TPRA1: variants seen among roughly 807,000 people sequenced by gnomAD.
The protein encoded by TPRA1 is transmembrane protein adipocyte-associated 1.
Under a neutral mutation model 40.1 loss-of-function variants are expected in TPRA1, and 28 were observed. The ratio of observed to expected loss-of-function variants is 0.70; its 90% confidence interval spans 0.52 to 0.96. The LOEUF (loss-of-function observed/expected upper bound fraction) is 0.96, where lower values mean the gene tolerates loss of function less well. Among genes scored for constraint, TPRA1 ranks in the 40% least tolerant of loss-of-function variants. The probability of loss-of-function intolerance (pLI) is 0.00; values close to 1 mark genes in which losing one functional copy is unlikely to be tolerated. For missense variants in TPRA1, 441 were observed against 482.6 expected (o/e 0.91, Z 0.81); for synonymous variants, 219 against 209.7 (o/e 1.04, Z -0.38).
At position 127,573,828 on chromosome 3, in the gene TPRA1, T is replaced by C. The variant is rs752905125; in HGVS notation, c.855-40A>G. The C allele has an allele frequency of 5.3e-6, 8 of 1,522,728 alleles. No homozygotes were observed. In the African/African-American group the frequency reaches 6.9e-5, roughly 13 times the overall value. 94.3% of individuals were successfully genotyped at this position (1,522,728 alleles called of 1,614,324 possible). On this transcript the variant is annotated intron_variant, in intron 10 of 10. Coordinates refer to ENST00000355552, the MANE Select transcript of TPRA1 (RefSeq NM_001136053.4). Reference sequence around the variant, plus strand: ...AGAGGGGCATGGAAGCCTCACTGAGTGATTCAGGAAGAGCCTTCCTCTCCA... The same window carrying C: ...AGAGGGGCATGGAAGCCTCACTGAGCGATTCAGGAAGAGCCTTCCTCTCCA...
At chr3:127,590,007 G>A (rs939529891) in intron 1 of TPRA1, among the ~76,000 whole-genome samples, 1 of 152,242 alleles carries the variant, frequency 6.6e-6, no homozygotes, top group African/African-American at 2.4e-5. Context: ...GCCCCGAACC[G>A]GCGGCAGGCT....
intron 10 of TPRA1, 65 bp from the exon 11 acceptor site, chr3:127,573,853 A>G: frequency 6.7e-7 from 1 of 1,503,482 alleles, no homozygotes; most frequent in Non-Finnish European, 8.9e-7. Context: ...CTTCCTCTCC[A>G]GGCTGATGGG....
chr3:127,596,146 T>A (rs2074238181), intron 1 of TPRA1, among the ~76,000 whole-genome samples: 1 of 152,120 alleles, frequency 6.6e-6, no homozygotes, highest in Non-Finnish European at 1.5e-5. Flanking sequence ...ATGGCACAAT[T>A]TCGGCTCACC....
At chr3:127,579,059 G>A (rs1013263466) in intron 3 of TPRA1, among the ~76,000 whole-genome samples, 1 of 152,170 alleles carries the variant, frequency 6.6e-6, no homozygotes, top group Admixed American at 6.5e-5. Flanking sequence ...TACTGGGACA[G>A]CCCACACCTG....
chr3:127,588,603 T>C (rs1559851316), intron 1 of TPRA1, among the ~76,000 whole-genome samples: 1 of 152,050 alleles, frequency 6.6e-6, no homozygotes, highest in Admixed American at 6.5e-5. Context: ...GTATTTTTAG[T>C]AGAAATGGGG....
At chr3:127,591,668 G>T (rs1179791805), upstream of TPRA1, among the ~76,000 whole-genome samples, 1 of 152,154 alleles carries the variant, frequency 6.6e-6, no homozygotes, top group East Asian at 1.9e-4. Context: ...TGGAGCGGCT[G>T]TCCAGTCTCA....
intron 1 of TPRA1, among the ~76,000 whole-genome samples, chr3:127,587,338 G>A (rs2074031888): frequency 6.6e-6 from 1 of 152,052 alleles, no homozygotes. Flanking sequence ...GCTCACTGGA[G>A]CCCCTGGATT....
chr3:127,573,764 G>C lies in TPRA1; in HGVS notation c.879C>G (p.Ser293=). 6.3e-7 allele frequency: 1 copy of C among 1,583,292 alleles called. No individual in the cohort carries two copies. The highest frequency in any genetic ancestry group is 8.6e-7 in the Non-Finnish European group (1 of 1,158,894). The change falls in exon 11 of 11, where the codon TCC becomes TCG. Residue 293 remains serine (S), a synonymous_variant. Transcript: ENST00000355552. The part of the protein sequence containing the change: ...FFGSEPKILF[S]YKCQVDETEE... ...CTGTCTCGTCCACTTGGCATTTGTA[G>C]GAGAAGAGGATCTTGGGCTCCGAGC...
upstream of TPRA1, among the ~76,000 whole-genome samples, chr3:127,592,416 T>C (rs1389326604): frequency 2.1e-5 from 3 of 140,382 alleles, no homozygotes; most frequent in Admixed American, 2.2e-4. Flanking sequence ...TCTCGCTCTG[T>C]CGCCCAGGTC....
chr3:127,578,400 G>A (rs1182702089), intron 3 of TPRA1, among the ~76,000 whole-genome samples: 2 of 152,148 alleles, frequency 1.3e-5, no homozygotes, highest in East Asian at 1.9e-4. Flanking sequence ...AGCATGGCTG[G>A]GGTTCAGAGC....
chr3:127,575,146 C>T, intron 10 of TPRA1, 39 bp downstream of exon 10: 1 of 1,604,392 alleles, frequency 6.2e-7, no homozygotes, highest in African/African-American at 1.3e-5. Context: ...CGCAGTTCCG[C>T]CGGCAGCCAC....
chr3:127,593,214 T>A (rs1228577809), upstream of TPRA1, among the ~76,000 whole-genome samples: 3 of 152,198 alleles, frequency 2.0e-5, no homozygotes, highest in Admixed American at 2.0e-4. Flanking sequence ...ATCTGCAACA[T>A]TAAATGAATA....
In TPRA1 at chr3:127,580,042, G is replaced by A. The variant is rs774076331; in HGVS notation, c.105C>T (p.Tyr35=). ...SVPHRCLLLL[Y]EDIGTSRVRY... ...CTCACCTGGAGGTGCCAATGTCTTC[G>A]TAGAGCAGCAGCAGGCAGCGATGAG... is the stretch of plus-strand genomic sequence containing the variant. The change falls in exon 2 of 11, where the codon TAC becomes TAT. Residue 35 remains tyrosine (Y), a synonymous_variant. Transcript: ENST00000355552. The A allele has an allele frequency of 1.3e-5, 21 of 1,613,670 alleles. No individual in the cohort carries two copies. The highest frequency in any genetic ancestry group is 7.7e-5 in the South Asian group (7 of 91,088).
upstream of TPRA1, chr3:127,590,933 G>T (rs991682504): frequency 6.6e-6 from 1 of 152,288 alleles, no homozygotes; most frequent in Non-Finnish European, 1.5e-5. Flanking sequence ...GCTGCTTCAC[G>T]GAAGAGAGAG....
At position 127,575,278 on chromosome 3, in the gene TPRA1, C is replaced by A; in HGVS notation, c.774-13G>T. 1 of 1,611,780 alleles carries A rather than the reference C, an allele frequency of 6.2e-7. No homozygotes were observed. Among genetic ancestry groups the A allele is most frequent in the Non-Finnish European group, 8.5e-7 (1 of 1,178,868 alleles). On this transcript the variant is annotated splice_polypyrimidine_tract_variant and intron_variant, in intron 9 of 10. Transcript: ENST00000355552. ...GGCATCTACACAGCTGCGGAGAAGG[C>A]GGGTCAGCGCGGGGCCTCCTAGCCC...
Position 127,572,517 on chromosome 3 carries a change from T to C in TPRA1, c.*1004A>G, listed in dbSNP as rs930078165. 6.6e-6 allele frequency among the ~76,000 whole-genome samples: 1 copy of C among 152,178 alleles called. No homozygotes were observed. The highest frequency in any genetic ancestry group is 1.5e-5 in the Non-Finnish European group (1 of 68,034). On this transcript the variant is annotated 3_prime_UTR_variant, in exon 11 of 11. Transcript: ENST00000355552. ...GTGCTTTGCTCTGATTTACTCCCAT[T>C]TTCAGCCAACCACACCCATCCTTAT...
chr3:127,575,196 C>A lies in TPRA1; in HGVS notation c.843G>T (p.Arg281=), dbSNP rs747567295. 1 of 1,613,906 alleles carries A rather than the reference C, an allele frequency of 6.2e-7. No individual in the cohort carries two copies. Among genetic ancestry groups the A allele is most frequent in the Admixed American group, 1.7e-5 (1 of 60,018 alleles). ...GGCCACAGACTCACCCGAAGAAGCC[C>A]CGGAGGAAAGCCACGTAGATGAGCG... ...FAPLIYVAFL[R]GFFGSEPKIL... is the part of the protein sequence containing the mutation. Residue 281 remains arginine (R), a synonymous_variant, in exon 10 of 11, where the codon CGG becomes CGT. Coordinates refer to ENST00000355552, the MANE Select transcript of TPRA1 (RefSeq NM_001136053.4).
intron 1 of TPRA1, chr3:127,580,459 G>T: frequency 3.0e-6 from 1 of 334,506 alleles, no homozygotes; most frequent in Non-Finnish European, 5.7e-6. Flanking sequence ...GCTCCTTTCA[G>T]TCCTGAGGGC....
intron 1 of TPRA1, among the ~76,000 whole-genome samples, chr3:127,583,018 T>C (rs1162578469): frequency 6.6e-6 from 1 of 150,948 alleles, no homozygotes; most frequent in African/African-American, 2.4e-5. Context: ...TGGTGGCACA[T>C]GCCTGTAATC....
Sources: gnomAD v4.1 joint callset for allele counts (sites outside exome capture counted in the v4.1 genomes callset) on GRCh38, gnomAD v4.1.1 for gene constraint, MANE v1.5 for transcripts, NCBI Gene and HGNC (gene_info 2026-07-23, HGNC 2026-07-21) for gene names.